Variants in GRIN2B observed in about 807,000 individuals in gnomAD.
GRIN2B encodes the protein glutamate ionotropic receptor NMDA type subunit 2B, also known as glutamate receptor ionotropic, NMDA 2B.
A neutral mutation model predicts 114.5 loss-of-function variants in GRIN2B; 5 were observed. The observed-to-expected ratio is 0.04, with a 90% CI of 0.02 to 0.09. The LOEUF is 0.09. GRIN2B is among the 10% of genes least tolerant of loss of function. The probability of loss-of-function intolerance (pLI) is 1.00; values close to 1 mark genes in which losing one functional copy is unlikely to be tolerated. For synonymous variants in GRIN2B, 787 were observed against 745.1 expected (o/e 1.06, Z -0.92); for missense variants, 1,108 against 1,943.5 (o/e 0.57, Z 8.08).
At chr12:13,737,022 C>T (rs1475837278) in intron 4 of GRIN2B, among the ~76,000 whole-genome samples, 5 of 90,430 alleles carry the variant, frequency 5.5e-5, no homozygotes, top group African/African-American at 2.2e-4. Flanking sequence ...AAGAGAGAAA[C>T]TCCATCTCAA....
intron 3 of GRIN2B, among the ~76,000 whole-genome samples, chr12:13,771,417 G>A (rs1863906334): frequency 6.6e-6 from 1 of 152,018 alleles, no homozygotes; most frequent in African/African-American, 2.4e-5. Flanking sequence ...TACAAAGAAA[G>A]ATTTAGTAAG....
chr12:13,963,472 C>A (rs34066708), intron 2 of GRIN2B, among the ~76,000 whole-genome samples: 2 of 152,094 alleles, frequency 1.3e-5, no homozygotes, highest in Non-Finnish European at 2.9e-5. Context: ...AGGACCATCC[C>A]TTTTGCTTTT....
intron 4 of GRIN2B, among the ~76,000 whole-genome samples, chr12:13,698,619 A>G (rs909509487): frequency 3.9e-5 from 6 of 152,250 alleles, no homozygotes; most frequent in Non-Finnish European, 7.3e-5. Flanking sequence ...CAGAAAAAAT[A>G]TATTTTAAAA....
intron 2 of GRIN2B, among the ~76,000 whole-genome samples, chr12:13,905,173 C>T (rs532113940): frequency 1.7e-3 from 252 of 152,156 alleles, no homozygotes; most frequent in African/African-American, 5.9e-3. Flanking sequence ...ATTATTTCTT[C>T]GGATATATTT....
chr12:13,742,331 T>G (rs1863301471), intron 4 of GRIN2B, among the ~76,000 whole-genome samples: 1 of 152,250 alleles, frequency 6.6e-6, no homozygotes, highest in Non-Finnish European at 1.5e-5. Context: ...ATCATGTCTG[T>G]TATACCTAAG....
chr12:13,678,014 C>A (rs543186919), intron 4 of GRIN2B, among the ~76,000 whole-genome samples: 1 of 152,178 alleles, frequency 6.6e-6, no homozygotes, highest in East Asian at 1.9e-4. Context: ...CTTATGCATA[C>A]CCTGAGAATG....
intron 2 of GRIN2B, among the ~76,000 whole-genome samples, chr12:13,895,715 G>A (rs989910082): frequency 6.6e-6 from 1 of 152,174 alleles, no homozygotes; most frequent in African/African-American, 2.4e-5. Flanking sequence ...GCTGTGATTA[G>A]CATATGTAAA....
chr12:13,823,870 A>G (rs967098746), intron 3 of GRIN2B, among the ~76,000 whole-genome samples: 2 of 152,076 alleles, frequency 1.3e-5, no homozygotes, highest in Non-Finnish European at 2.9e-5. Context: ...TGAGTGTTCA[A>G]TTTTTTCAAA....
At chr12:13,962,460 A>G (rs993369747) in intron 2 of GRIN2B, among the ~76,000 whole-genome samples, 17 of 152,218 alleles carry the variant, frequency 1.1e-4, no homozygotes, top group Non-Finnish European at 2.2e-4. Context: ...AGTAACCCTG[A>G]ATTGCCTATG....
In GRIN2B at chr12:13,954,811, GAA is replaced by G. The variant is rs61525874; in HGVS notation, c.-19+25115_-19+25116del. Among the ~76,000 whole-genome samples, 50 of 25,550 alleles carry G rather than the reference GAA, an allele frequency of 2.0e-3. 8 individuals are homozygous for G. The highest frequency in any genetic ancestry group is 5.5e-3 in the East Asian group (10 of 1,814). The allele number at this position is 25,550 out of a possible 152,430, so 16.8% of individuals were successfully genotyped here. A position where few individuals can be genotyped will look rare whatever the true frequency, so the allele number is the denominator to read the frequency against. ...GTGACAGAGTGAGACTCCGTCTCAG[GAA>G]AAAAAAAAAAAAAAAACTTTTTCTT... On this transcript the variant is annotated intron_variant, in intron 2 of 13. Transcript: ENST00000609686.
In GRIN2B at chr12:13,551,529, A is replaced by G. The variant is rs1948413459; in HGVS notation, c.*11254T>C. 6.6e-6 allele frequency: 1 copy of G among 152,214 alleles called. No homozygotes were observed. Among genetic ancestry groups the G allele is most frequent in the Non-Finnish European group, 1.5e-5 (1 of 68,028 alleles). 9.4% of individuals were successfully genotyped at this position (152,214 alleles called of 1,614,324 possible). Reference sequence around the variant, plus strand: ...TTGAGGGATCAATGATCCACAAGCCAGGTAGAGCAAAGAGAAAACACTGGC... The same window carrying G: ...TTGAGGGATCAATGATCCACAAGCCGGGTAGAGCAAAGAGAAAACACTGGC... On this transcript the variant is annotated 3_prime_UTR_variant, in exon 14 of 14. Transcript: ENST00000609686.
intron 2 of GRIN2B, among the ~76,000 whole-genome samples, chr12:13,957,024 A>T (rs1188179090): frequency 6.6e-6 from 1 of 152,206 alleles, no homozygotes; most frequent in Non-Finnish European, 1.5e-5. Flanking sequence ...ATTTTCTTAT[A>T]GGCATAAAAA....
chr12:13,816,969 G>C (rs1428031477), intron 3 of GRIN2B, among the ~76,000 whole-genome samples: 1 of 152,102 alleles, frequency 6.6e-6, no homozygotes, highest in African/African-American at 2.4e-5. Flanking sequence ...CATGCATTGG[G>C]TTCTTTTATT....
intron 5 of GRIN2B, among the ~76,000 whole-genome samples, chr12:13,648,635 G>C (rs1357736979): frequency 6.6e-6 from 1 of 151,900 alleles, no homozygotes; most frequent in Non-Finnish European, 1.5e-5. Context: ...ACAATAGGCA[G>C]GGTCCAGTTG....
At chr12:13,800,879 C>A (rs955877420) in intron 3 of GRIN2B, among the ~76,000 whole-genome samples, 39 of 152,072 alleles carry the variant, frequency 2.6e-4, no homozygotes, top group African/African-American at 8.0e-4. Flanking sequence ...GATGTAAATA[C>A]ATAAGAAAAT....
chr12:13,857,498 G>C (rs1865683129), intron 3 of GRIN2B, among the ~76,000 whole-genome samples: 1 of 152,038 alleles, frequency 6.6e-6, no homozygotes, highest in South Asian at 2.1e-4. Context: ...CAGTAGAGAG[G>C]AATAAGTTGA....
At chr12:13,890,072 C>T (rs1476573955) in intron 2 of GRIN2B, among the ~76,000 whole-genome samples, 1 of 152,214 alleles carries the variant, frequency 6.6e-6, no homozygotes, top group Non-Finnish European at 1.5e-5. Flanking sequence ...CTGCTGTCCA[C>T]AAGACGTCAG....
chr12:13,963,371 C>T (rs1867731933), intron 2 of GRIN2B, among the ~76,000 whole-genome samples: 2 of 152,258 alleles, frequency 1.3e-5, no homozygotes, highest in South Asian at 2.1e-4. Context: ...CAATTCTCCG[C>T]GGCATGACAG....
At chr12:13,943,598 C>G (rs749129804) in intron 2 of GRIN2B, among the ~76,000 whole-genome samples, 7 of 152,142 alleles carry the variant, frequency 4.6e-5, no homozygotes, top group Non-Finnish European at 7.4e-5. Flanking sequence ...CCTTGTTTTT[C>G]TTTAACAAAC....
Sources: allele counts gnomAD v4.1 joint callset (sites outside exome capture counted in the v4.1 genomes callset), GRCh38; gene constraint gnomAD v4.1.1; transcripts MANE v1.5; gene names NCBI Gene and HGNC (gene_info 2026-07-23, HGNC 2026-07-21).